Variants in HS6ST2 observed in about 807,000 individuals in gnomAD.
HS6ST2 encodes heparan-sulfate 6-O-sulfotransferase 2.
HS6ST2 carries 17 observed loss-of-function variants against 33.0 expected under a neutral mutation model. The ratio of observed to expected loss-of-function variants is 0.52; its 90% confidence interval spans 0.35 to 0.77. The LOEUF is 0.77. Among genes scored for constraint, HS6ST2 ranks in the 30% least tolerant of loss-of-function variants. The pLI, the probability that HS6ST2 is intolerant of heterozygous loss-of-function variation, is 0.01. For missense variants in HS6ST2, 519 were observed against 551.7 expected, an observed-to-expected ratio of 0.94 and a Z score of 0.59; for synonymous variants, 248 against 237.1, an observed-to-expected ratio of 1.05 and a Z score of -0.42.
chrX:132,923,995 T>TA (rs1016708541), intron 2 of HS6ST2, among the ~76,000 whole-genome samples: 2 of 111,872 alleles, frequency 1.8e-5, no homozygotes, highest in Non-Finnish European at 3.8e-5. Flanking sequence ...TCTTGTAGTC[T>TA]AAAAAAAATG....
In HS6ST2 at chrX:132,814,190, C is replaced by T. The variant is rs761657999; in HGVS notation, c.948-105696G>A. On this transcript the variant is annotated intron_variant, in intron 2 of 4. Coordinates refer to ENST00000370833, the MANE Select transcript of HS6ST2 (RefSeq NM_001394073.1). ...CGAACTCCTGACCTTGTGATCCACC[C>T]GCCTCGGCCTCCCAAAGTGCTGGGA... is the stretch of plus-strand genomic sequence containing the variant. Among the ~76,000 whole-genome samples, 16 of 112,017 alleles carry T rather than the reference C, an allele frequency of 1.4e-4. No individual in the cohort carries two copies. The South Asian group carries it at 1.5e-3, about 11-fold the overall frequency.
chrX:132,907,238 T>C lies in HS6ST2; in HGVS notation c.947+49570A>G, dbSNP rs1372728080. On this transcript the variant is annotated intron_variant, in intron 2 of 4. Coordinates refer to ENST00000370833, the MANE Select transcript of HS6ST2 (RefSeq NM_001394073.1). ...TTCCCTGTGCTATCTAGGGGTACAGTAAATTATTAAAGGGCCAACCAAAGG... is the reference window on the plus strand; with the variant it reads ...TTCCCTGTGCTATCTAGGGGTACAGCAAATTATTAAAGGGCCAACCAAAGG... 9 of 112,373 alleles carry C rather than the reference T, an allele frequency of 8.0e-5. No individual in the cohort carries two copies. In the South Asian group the frequency reaches 1.9e-3, roughly 24 times the overall value. 9.3% of individuals were successfully genotyped at this position (112,373 alleles called of 1,213,427 possible). A position where few individuals can be genotyped will look rare whatever the true frequency, so the allele number is the denominator to read the frequency against.
chrX:132,752,467 G>A (rs969596983), intron 2 of HS6ST2, among the ~76,000 whole-genome samples: 2 of 65,208 alleles, frequency 3.1e-5, no homozygotes, highest in African/African-American at 6.7e-5. Flanking sequence ...GTGAGACTCC[G>A]TCTCAAAAAA....
At chrX:132,788,469 G>A (rs985902277) in intron 2 of HS6ST2, among the ~76,000 whole-genome samples, 13 of 111,144 alleles carry the variant, frequency 1.2e-4, no homozygotes, top group Non-Finnish European at 2.4e-4. Context: ...CTTGGGCCTC[G>A]CTATTTCCTG....
At chrX:132,673,600 A>AT (rs1381918313) in intron 3 of HS6ST2, among the ~76,000 whole-genome samples, 1 of 112,062 alleles carries the variant, frequency 8.9e-6, no homozygotes, top group Non-Finnish European at 1.9e-5. Context: ...AACCCACTTT[A>AT]TTGTTGAGGG....
chrX:132,866,653 C>A (rs200900154), intron 2 of HS6ST2, among the ~76,000 whole-genome samples: 1 of 75,397 alleles, frequency 1.3e-5, no homozygotes. Context: ...CTTTTATTTC[C>A]TTGAGCAGTG....
In HS6ST2 at chrX:132,957,095, G is replaced by A. The variant is rs756735699; in HGVS notation, c.660C>T (p.Asp220=). The change falls in exon 2 of 5, where the codon GAC becomes GAT. Residue 220 remains aspartate (D), a synonymous_variant. Coordinates refer to ENST00000370833, the MANE Select transcript of HS6ST2 (RefSeq NM_001394073.1). ...TCAGGTCATCGCCCTTGATGTCGAAGTCTACCTTGCGCAGGAGGTCGCCGC... is the reference window on the plus strand; with the variant it reads ...TCAGGTCATCGCCCTTGATGTCGAAATCTACCTTGCGCAGGAGGTCGCCGC... ...FTRGDLLRKV[D]FDIKGDDLIV... is the part of the protein sequence containing the mutation. 2.5e-6 allele frequency: 3 copies of A among 1,210,193 alleles called. No individual in the cohort carries two copies. The highest frequency in any genetic ancestry group is 3.5e-5 in the African/African-American group (2 of 57,255).
chrX:132,874,644 A>G (rs1240827840), intron 2 of HS6ST2, among the ~76,000 whole-genome samples: 1 of 112,069 alleles, frequency 8.9e-6, no homozygotes, highest in Non-Finnish European at 1.9e-5. Flanking sequence ...GAGGTCGGTC[A>G]TGATAGAGAC....
intron 2 of HS6ST2, among the ~76,000 whole-genome samples, chrX:132,821,313 C>A (rs996416522): frequency 9.4e-6 from 1 of 106,027 alleles, no homozygotes; most frequent in Non-Finnish European, 1.9e-5. Flanking sequence ...CCCGGGTTCA[C>A]GCCATTCTCC....
chrX:132,806,747 T>A (rs766095292), intron 2 of HS6ST2, among the ~76,000 whole-genome samples: 1,570 of 110,287 alleles, frequency 0.014, 31 homozygotes, highest in African/African-American at 0.048. Context: ...TTCAACCTTT[T>A]AAAAATATGA....
chrX:132,649,262 T>C (rs1603291686), intron 4 of HS6ST2, among the ~76,000 whole-genome samples: 1 of 111,862 alleles, frequency 8.9e-6, no homozygotes, highest in Non-Finnish European at 1.9e-5. Context: ...GCATTCAGCA[T>C]GTGGGCCACA....
At chrX:132,669,231 C>T (rs1246981065) in intron 3 of HS6ST2, 32 bp from the exon 4 acceptor site, 9 of 1,148,425 alleles carry the variant, frequency 7.8e-6, no homozygotes, top group Non-Finnish European at 9.5e-6. Flanking sequence ...AAAACATATA[C>T]ACAACAAGGA....
At chrX:132,787,663 G>T (rs2065080488) in intron 2 of HS6ST2, among the ~76,000 whole-genome samples, 1 of 106,653 alleles carries the variant, frequency 9.4e-6, no homozygotes, top group African/African-American at 3.4e-5. Flanking sequence ...GCCGAGGCAG[G>T]TGGATCACCT....
At chrX:132,740,610 C>T (rs900759729) in intron 2 of HS6ST2, among the ~76,000 whole-genome samples, 2 of 111,583 alleles carry the variant, frequency 1.8e-5, no homozygotes, top group Non-Finnish European at 3.8e-5. Flanking sequence ...ATAGTTAATC[C>T]CTTAAGTAGG....
intron 2 of HS6ST2, among the ~76,000 whole-genome samples, chrX:132,737,401 T>C (rs1055967881): frequency 1.8e-5 from 2 of 111,334 alleles, no homozygotes; most frequent in African/African-American, 3.3e-5. Context: ...TGGGCAAGAT[T>C]GGGCTAATGG....
intron 2 of HS6ST2, among the ~76,000 whole-genome samples, chrX:132,914,260 T>C (rs1156896286): frequency 1.8e-5 from 2 of 112,367 alleles, no homozygotes; most frequent in Non-Finnish European, 3.8e-5. Context: ...TTCTGTATTA[T>C]ATCATCATTT....
chrX:132,822,496 C>G (rs769686193), intron 2 of HS6ST2, among the ~76,000 whole-genome samples: 2 of 111,557 alleles, frequency 1.8e-5, no homozygotes, highest in East Asian at 5.7e-4. Context: ...TGGCAGCTCC[C>G]CAAACTCTGC....
chrX:132,768,045 T>C (rs960175365), intron 2 of HS6ST2, among the ~76,000 whole-genome samples: 2 of 111,289 alleles, frequency 1.8e-5, no homozygotes, highest in Non-Finnish European at 3.8e-5. Context: ...CCAAGGTATC[T>C]ATATCTCCCA....
intron 2 of HS6ST2, among the ~76,000 whole-genome samples, chrX:132,914,599 CTT>C (rs1276463835): frequency 3.6e-5 from 4 of 112,253 alleles, no homozygotes; most frequent in African/African-American, 1.3e-4. Context: ...TAGATGGAAA[CTT>C]TCTATTCATT....
Sources: allele counts gnomAD v4.1 joint callset (sites outside exome capture counted in the v4.1 genomes callset), GRCh38; gene constraint gnomAD v4.1.1; transcripts MANE v1.5; gene names NCBI Gene and HGNC (gene_info 2026-07-23, HGNC 2026-07-21).